TNNI3K: variants seen among roughly 807,000 people sequenced by gnomAD.
TNNI3K encodes the protein serine/threonine-protein kinase TNNI3K.
In TNNI3K, 140 loss-of-function variants were observed where a neutral mutation model predicts 114.5. The observed-to-expected ratio is 1.22, with a 90% confidence interval of 1.07 to 1.41. The LOEUF (loss-of-function observed/expected upper bound fraction) is 1.41. Among genes scored for constraint, TNNI3K ranks in the 40% most tolerant of loss-of-function variants. The probability of loss-of-function intolerance (pLI) is 0.00; values close to 1 mark genes in which losing one functional copy is unlikely to be tolerated. For synonymous variants in TNNI3K, 347 were observed against 347.5 expected (o/e 1.00, Z 0.02); for missense variants, 1,125 against 1,007.6 (o/e 1.12, Z -1.58).
At chr1:74,250,820 G>A in intron 4 of TNNI3K, 51 bp downstream of exon 4, 2 of 865,004 alleles carry the variant, frequency 2.3e-6, no homozygotes, top group Admixed American at 3.2e-5. Flanking sequence ...AGGATAGTGT[G>A]TATCTTTAGG....
intron 5 of TNNI3K, among the ~76,000 whole-genome samples, chr1:74,329,756 C>A (rs1452771107): frequency 6.6e-6 from 1 of 151,988 alleles, no homozygotes; most frequent in Non-Finnish European, 1.5e-5. Flanking sequence ...GGAAAAATTT[C>A]TTAATTCCTG....
intron 5 of TNNI3K, among the ~76,000 whole-genome samples, chr1:74,294,406 A>C (rs1381175618): frequency 2.6e-5 from 4 of 152,024 alleles, no homozygotes; most frequent in Admixed American, 2.6e-4. Flanking sequence ...TTTTCAGAAG[A>C]TATGGATAGT....
intron 17 of TNNI3K, among the ~76,000 whole-genome samples, chr1:74,382,729 C>T (rs1663265030): frequency 6.6e-6 from 1 of 152,126 alleles, no homozygotes; most frequent in Non-Finnish European, 1.5e-5. Context: ...GTCACTAAAC[C>T]CTCATTTAAT....
intron 11 of TNNI3K, among the ~76,000 whole-genome samples, chr1:74,363,971 GTATTATTAT>G (rs368456076): frequency 2.1e-4 from 28 of 135,496 alleles, no homozygotes; most frequent in Admixed American, 5.3e-4. Flanking sequence ...CAGATGAGGG[GTATTATTAT>G]TATTATTATT....
chr1:74,245,663 A>G (rs1654506947), intron 2 of TNNI3K, among the ~76,000 whole-genome samples: 1 of 152,206 alleles, frequency 6.6e-6, no homozygotes, highest in African/African-American at 2.4e-5. Context: ...AAGAACATCA[A>G]AAGCTATTGG....
intron 23 of TNNI3K, among the ~76,000 whole-genome samples, chr1:74,535,846 A>C (rs1207006862): frequency 1.3e-5 from 2 of 152,068 alleles, no homozygotes; most frequent in African/African-American, 4.8e-5. Flanking sequence ...TCTGGAACAG[A>C]TCTCCCCTTC....
rs2100845165 is a variant in TNNI3K, at chr1:74,249,441, G to A, written c.150-18G>A. 1 of 1,608,202 alleles carries A rather than the reference G, an allele frequency of 6.2e-7. No individual in the cohort carries two copies. Among genetic ancestry groups the A allele is most frequent in the African/African-American group, 1.3e-5 (1 of 74,750 alleles). ...TAAAAGATGAATTTTGTGATCATCT[G>A]TAACATGTTTTTTTCAGCTCTGATG... On this transcript the variant is annotated intron_variant, in intron 2 of 24. Transcript: ENST00000326637.
At chr1:74,442,175 T>G (rs1337229194) in intron 20 of TNNI3K, among the ~76,000 whole-genome samples, 1 of 151,958 alleles carries the variant, frequency 6.6e-6, no homozygotes, top group Non-Finnish European at 1.5e-5. Context: ...ATTCCTTTGT[T>G]TTTTTTAATA....
intron 9 of TNNI3K, among the ~76,000 whole-genome samples, chr1:74,348,294 G>A (rs1385048626): frequency 6.6e-6 from 1 of 152,196 alleles, no homozygotes; most frequent in Non-Finnish European, 1.5e-5. Context: ...GTTTGTCAAA[G>A]ATCAGATAGT....
At chr1:74,369,154 T>A (rs201531892) in intron 14 of TNNI3K, 40 bp downstream of exon 14, 2 of 1,599,622 alleles carry the variant, frequency 1.3e-6, no homozygotes, top group Non-Finnish European at 1.7e-6. Context: ...TCCGGTTTAG[T>A]TGAATGAGCT....
At chr1:74,507,456 A>G (rs942028047) in intron 23 of TNNI3K, among the ~76,000 whole-genome samples, 1 of 152,096 alleles carries the variant, frequency 6.6e-6, no homozygotes, top group African/African-American at 2.4e-5. Context: ...ACGCACTTAC[A>G]CACAGAGTAA....
intron 17 of TNNI3K, among the ~76,000 whole-genome samples, chr1:74,409,603 C>G (rs1392389188): frequency 1.3e-5 from 2 of 149,244 alleles, no homozygotes. Flanking sequence ...AAGTGATTCT[C>G]CTGCCTCAAC....
intron 19 of TNNI3K, among the ~76,000 whole-genome samples, chr1:74,438,670 G>A (rs372836317): frequency 1.8e-4 from 28 of 152,090 alleles, no homozygotes; most frequent in Admixed American, 8.5e-4. Flanking sequence ...AGTGTTCTGC[G>A]CCCTAAACTA....
intron 23 of TNNI3K, among the ~76,000 whole-genome samples, chr1:74,494,527 G>T (rs1669234802): frequency 6.6e-6 from 1 of 152,212 alleles, no homozygotes; most frequent in East Asian, 1.9e-4. Flanking sequence ...CATTAGATTT[G>T]GTCACATCAT....
At chr1:74,541,015 C>T (rs149675775) in intron 24 of TNNI3K, among the ~76,000 whole-genome samples, 3 of 152,268 alleles carry the variant, frequency 2.0e-5, no homozygotes, top group East Asian at 1.9e-4. Flanking sequence ...TTTTACCAAC[C>T]TTTAAGCCTG....
intron 22 of TNNI3K, among the ~76,000 whole-genome samples, chr1:74,490,488 A>G (rs970554847): frequency 1.3e-5 from 2 of 152,228 alleles, no homozygotes; most frequent in Non-Finnish European, 2.9e-5. Context: ...GGATCTACAA[A>G]CATGATAGGA....
chr1:74,282,431 C>CTCA (rs532970881), intron 5 of TNNI3K, among the ~76,000 whole-genome samples: 12 of 151,880 alleles, frequency 7.9e-5, no homozygotes, highest in Non-Finnish European at 1.5e-4. Flanking sequence ...TGTTAACATG[C>CTCA]TCATATCTCT....
In TNNI3K at chr1:74,331,503, T is replaced by A; in HGVS notation, c.498T>A (p.Val166=). 1 of 1,613,828 alleles carries A rather than the reference T, an allele frequency of 6.2e-7. No homozygotes were observed. Among genetic ancestry groups the A allele is most frequent in the Non-Finnish European group, 8.5e-7 (1 of 1,179,886 alleles). ...HGANVNIQDA[V]FFTPLHIAAY... The stretch of plus-strand genomic sequence containing the variant: ...CTAATGTCAATATTCAAGATGCAGT[T>A]TTTTTCACTCCATTGCATATTGCAG... The change falls in exon 6 of 25, where the codon GTT becomes GTA. Residue 166 remains valine (V), a synonymous_variant. Transcript: ENST00000326637.
chr1:74,368,063 C>T, intron 13 of TNNI3K, 99 bp downstream of exon 13: 1 of 1,162,464 alleles, frequency 8.6e-7, no homozygotes, highest in South Asian at 1.8e-5. Context: ...CAAATGATGA[C>T]TATTTTACAA....
Sources: allele counts gnomAD v4.1 joint callset (sites outside exome capture counted in the v4.1 genomes callset), GRCh38; gene constraint gnomAD v4.1.1; transcripts MANE v1.5; gene names NCBI Gene and HGNC (gene_info 2026-07-23, HGNC 2026-07-21).